The following GLIS3 variants were observed in gnomAD, a reference collection of about 807,000 sequenced individuals.
GLIS3 encodes GLIS family zinc finger 3, also known as zinc finger protein GLIS3.
GLIS3 carries 53 observed loss-of-function variants against 78.6 expected under a neutral mutation model. That is an observed-to-expected ratio of 0.67 (90% CI 0.54 to 0.85). The LOEUF (loss-of-function observed/expected upper bound fraction) is 0.85, where lower values mean the gene tolerates loss of function less well. Ranked by LOEUF, GLIS3 falls within the 40% of genes least tolerant of loss-of-function variation. The pLI is 0.00. For missense variants in GLIS3, 1,703 were observed against 1,231.1 expected (o/e 1.38, Z -5.74); for synonymous variants, 684 against 509.9 (o/e 1.34, Z -4.60).
At chr9:4,004,538 C>A (rs72685684) in intron 4 of GLIS3, among the ~76,000 whole-genome samples, 1 of 152,244 alleles carries the variant, frequency 6.6e-6, no homozygotes, top group Non-Finnish European at 1.5e-5. Context: ...AAACAGTTGG[C>A]AAGCAACTGG....
chr9:4,360,513 T>G, the GLIS3 span, among the ~76,000 whole-genome samples: 1 of 152,208 alleles, frequency 6.6e-6, no homozygotes, highest in Non-Finnish European at 1.5e-5. Context: ...GCCCTTTGCA[T>G]TTACTTCGCC....
the GLIS3 span, among the ~76,000 whole-genome samples, chr9:4,356,614 A>C: frequency 6.6e-6 from 1 of 152,246 alleles, no homozygotes; most frequent in Non-Finnish European, 1.5e-5. Flanking sequence ...TGCTTTTAAA[A>C]TACAAAGGGA....
intron 4 of GLIS3, among the ~76,000 whole-genome samples, chr9:3,991,683 A>ATTTTTT (rs59495657): frequency 3.4e-5 from 3 of 87,912 alleles, no homozygotes; most frequent in Non-Finnish European, 6.1e-5. Flanking sequence ...AAGTAGGCTG[A>ATTTTTT]TTTTTTTTTT....
intron 2 of GLIS3, among the ~76,000 whole-genome samples, chr9:4,236,108 T>C (rs1346594692): frequency 6.9e-6 from 1 of 144,018 alleles, no homozygotes; most frequent in Non-Finnish European, 1.5e-5. Context: ...GCCGACCAAG[T>C]TCACTGTTCT....
At chr9:3,866,965 A>AGGG (rs1311038114) in intron 8 of GLIS3, among the ~76,000 whole-genome samples, 4 of 152,162 alleles carry the variant, frequency 2.6e-5, no homozygotes, top group Non-Finnish European at 5.9e-5. Context: ...GGCTTGAACT[A>AGGG]GGGAGGAGGA....
chr9:4,332,520 G>A (rs1228164136), intron 2 of GLIS3, among the ~76,000 whole-genome samples: 1 of 152,184 alleles, frequency 6.6e-6, no homozygotes, highest in Non-Finnish European at 1.5e-5. Flanking sequence ...CTTGCTGGCT[G>A]AAACAGTGAC....
chr9:4,050,757 C>T (rs1321200592), intron 4 of GLIS3, among the ~76,000 whole-genome samples: 3 of 152,026 alleles, frequency 2.0e-5, no homozygotes, highest in Non-Finnish European at 2.9e-5. Flanking sequence ...TTTTTAAAGC[C>T]TTCAAACACT....
At chr9:4,301,209 T>G (rs2072623971), upstream of GLIS3, among the ~76,000 whole-genome samples, 1 of 152,186 alleles carries the variant, frequency 6.6e-6, no homozygotes, top group Non-Finnish European at 1.5e-5. Flanking sequence ...TCCTTCACCT[T>G]GGGACACAAA....
intron 9 of GLIS3, among the ~76,000 whole-genome samples, chr9:3,849,017 C>T (rs1819236937): frequency 6.6e-6 from 1 of 152,216 alleles, no homozygotes; most frequent in Non-Finnish European, 1.5e-5. Context: ...ACTGCTGCTG[C>T]ACTGATTTCA....
intron 2 of GLIS3, among the ~76,000 whole-genome samples, chr9:4,317,134 A>T (rs74932535): frequency 6.6e-6 from 1 of 152,220 alleles, no homozygotes; most frequent in Admixed American, 6.5e-5. Flanking sequence ...GAAAGAATGT[A>T]TTCAGTGCCT....
rs1554642023 is a variant in GLIS3 at position 4,265,186 on chromosome 9, A to AAG, written c.388+20851_388+20852insCT. On this transcript the variant is annotated intron_variant, in intron 2 of 10. Transcript: ENST00000381971. ...GACGCCGTCTCAAAAAAAAAAAAAA[A>AAG]AAAGAAATAACAATCTTTTGCCTTC... Among the ~76,000 whole-genome samples, 69 of 148,858 alleles carry AAG rather than the reference A, an allele frequency of 4.6e-4. 1 individual carries two copies. Among genetic ancestry groups the AAG allele is most frequent in the South Asian group, 1.1e-3 (5 of 4,716 alleles).
chr9:3,995,149 G>C (rs1405360166), intron 4 of GLIS3, among the ~76,000 whole-genome samples: 1 of 151,974 alleles, frequency 6.6e-6, no homozygotes, highest in Non-Finnish European at 1.5e-5. Context: ...TACAGAGTGA[G>C]GCAGTTGGCA....
chr9:4,479,698 G>A, the GLIS3 span, among the ~76,000 whole-genome samples: 1 of 152,114 alleles, frequency 6.6e-6, no homozygotes. Flanking sequence ...TGTTGGTGTG[G>A]TTGTGGCTGC....
At position 4,260,493 on chromosome 9, in the gene GLIS3, G is replaced by C. The variant is rs113975518; in HGVS notation, c.388+25545C>G. Among the ~76,000 whole-genome samples the C allele has an allele frequency of 7.4e-4, 113 of 152,046 alleles. 1 individual carries two copies. The highest frequency in any genetic ancestry group is 2.6e-3 in the African/African-American group (109 of 41,464). ...GAGGCAGGAGAATTGCTTGAACTCGGGGGGCAGAGGTTGTAGTTAGCCAAG... is the reference window on the plus strand; with the variant it reads ...GAGGCAGGAGAATTGCTTGAACTCGCGGGGCAGAGGTTGTAGTTAGCCAAG... On this transcript the variant is annotated intron_variant, in intron 2 of 10. Transcript: ENST00000381971.
chr9:4,212,739 G>C (rs1352546349), intron 2 of GLIS3, among the ~76,000 whole-genome samples: 1 of 152,222 alleles, frequency 6.6e-6, no homozygotes, highest in East Asian at 1.9e-4. Flanking sequence ...GATAGAACAT[G>C]TGAGGAACGG....
rs543993293 is a variant in GLIS3 at position 3,851,305 on chromosome 9, C to T, written c.2473+4704G>A. Among the ~76,000 whole-genome samples the T allele has an allele frequency of 2.0e-5, 3 of 152,306 alleles. No individual in the cohort carries two copies. The South Asian group carries it at 6.2e-4, about 32-fold the overall frequency. ...TAAGGAGAAAGAAAAGACCGAAAAACAAGCTTACATGATTGCAGAGTGTCC... is the reference window on the plus strand; with the variant it reads ...TAAGGAGAAAGAAAAGACCGAAAAATAAGCTTACATGATTGCAGAGTGTCC... On this transcript the variant is annotated intron_variant, in intron 9 of 10. Transcript: ENST00000381971.
chr9:4,042,714 C>A (rs1329426797), intron 4 of GLIS3, among the ~76,000 whole-genome samples: 1 of 152,046 alleles, frequency 6.6e-6, no homozygotes, highest in Non-Finnish European at 1.5e-5. Flanking sequence ...ACAAAACTCC[C>A]AAAAACAAAA....
chr9:4,115,993 C>T (rs949889537), intron 4 of GLIS3, among the ~76,000 whole-genome samples: 2 of 152,162 alleles, frequency 1.3e-5, no homozygotes, highest in South Asian at 4.1e-4. Flanking sequence ...TCAGCTTATT[C>T]TTTCACTGAA....
intron 7 of GLIS3, among the ~76,000 whole-genome samples, chr9:3,886,589 G>A (rs544329345): frequency 1.3e-4 from 20 of 152,332 alleles, no homozygotes; most frequent in South Asian, 8.3e-4. Flanking sequence ...ATTTTCAGGA[G>A]TCAAGAAAGA....
Sources: gnomAD v4.1 joint callset for allele counts (sites outside exome capture counted in the v4.1 genomes callset) on GRCh38, gnomAD v4.1.1 for gene constraint, MANE v1.5 for transcripts, NCBI Gene and HGNC (gene_info 2026-07-23, HGNC 2026-07-21) for gene names.